Variants in BRAF observed in about 807,000 individuals in gnomAD.
BRAF encodes serine/threonine-protein kinase B-raf.
BRAF carries 16 observed loss-of-function variants against 104.6 expected under a neutral mutation model. The observed-to-expected ratio is 0.15, with a 90% CI of 0.10 to 0.23. The LOEUF (loss-of-function observed/expected upper bound fraction) is 0.23, where lower values mean the gene tolerates loss of function less well. BRAF is among the 10% of genes least tolerant of loss of function. The probability of loss-of-function intolerance (pLI) is 1.00; values close to 1 mark genes in which losing one functional copy is unlikely to be tolerated. For synonymous variants in BRAF, 310 were observed against 341.6 expected (o/e 0.91, Z 1.02); for missense variants, 541 against 937.3 (o/e 0.58, Z 5.52).
chr7:140,801,002 C>A, intron 6 of BRAF: 1 of 208,214 alleles, frequency 4.8e-6, no homozygotes, highest in Non-Finnish European at 9.6e-6. Context: ...GGGAAGGGAG[C>A]TGAATGGGGA....
At chr7:140,913,944 A>C (rs768603318) in intron 1 of BRAF, among the ~76,000 whole-genome samples, 2 of 152,194 alleles carry the variant, frequency 1.3e-5, no homozygotes, top group African/African-American at 2.4e-5. Context: ...TAATTAAATA[A>C]TGTTTTAAAG....
chr7:140,726,713 C>T (rs541736907), intron 19 of BRAF, among the ~76,000 whole-genome samples: 15 of 152,206 alleles, frequency 9.9e-5, no homozygotes, highest in Non-Finnish European at 1.8e-4. Flanking sequence ...GAATATGGTT[C>T]AGCTCTATCA....
At chr7:140,894,844 T>C (rs1252931424) in intron 1 of BRAF, among the ~76,000 whole-genome samples, 1 of 152,088 alleles carries the variant, frequency 6.6e-6, no homozygotes, top group Non-Finnish European at 1.5e-5. Flanking sequence ...GTATATAACA[T>C]CCACATCTAA....
At chr7:140,735,635 C>T (rs929170805) in intron 18 of BRAF, among the ~76,000 whole-genome samples, 1 of 151,832 alleles carries the variant, frequency 6.6e-6, no homozygotes, top group African/African-American at 2.4e-5. Context: ...CAGCTCACTG[C>T]AACCTCCCCC....
chr7:140,853,068 C>A (rs759613266), intron 1 of BRAF, among the ~76,000 whole-genome samples: 4 of 152,118 alleles, frequency 2.6e-5, no homozygotes, highest in Non-Finnish European at 4.4e-5. Context: ...TCTGAAATGG[C>A]CTCTCCTATT....
intron 1 of BRAF, among the ~76,000 whole-genome samples, chr7:140,908,509 C>T (rs1485047021): frequency 6.6e-6 from 1 of 152,100 alleles, no homozygotes; most frequent in African/African-American, 2.4e-5. Flanking sequence ...AACCAGTAAC[C>T]ATGATAAATG....
At chr7:140,891,841 G>GA (rs1406566033) in intron 1 of BRAF, among the ~76,000 whole-genome samples, 6 of 152,096 alleles carry the variant, frequency 3.9e-5, no homozygotes, top group African/African-American at 1.4e-4. Context: ...AAACAACCCT[G>GA]AAAAAATGCA....
chr7:140,833,163 C>A (rs1806967222), intron 3 of BRAF, among the ~76,000 whole-genome samples: 1 of 152,120 alleles, frequency 6.6e-6, no homozygotes. Flanking sequence ...GGATTACAGG[C>A]ACGAGCCACT....
In BRAF at chr7:140,734,964, T is replaced by A. The variant is rs1037729841; in HGVS notation, c.2248-194A>T. On this transcript the variant is annotated intron_variant, in intron 18 of 19. Coordinates refer to ENST00000644969, the MANE Select transcript of BRAF (RefSeq NM_001374258.1). ...TTGTCATAAATGCTTGGGAAAATAT[T>A]TGTAAATAATTGGTATTTTTTCTTA... Among the ~76,000 whole-genome samples, 16 of 152,122 alleles carry A rather than the reference T, an allele frequency of 1.1e-4. 1 individual carries two copies. Among genetic ancestry groups the A allele is most frequent in the Non-Finnish European group, 1.8e-4 (12 of 68,028 alleles).
At chr7:140,857,962 T>C (rs1224724242) in intron 1 of BRAF, among the ~76,000 whole-genome samples, 1 of 152,152 alleles carries the variant, frequency 6.6e-6, no homozygotes, top group Non-Finnish European at 1.5e-5. Flanking sequence ...GAACTTTAAA[T>C]GAAAAAAATT....
At chr7:140,843,464 T>G (rs1207989000) in intron 2 of BRAF, among the ~76,000 whole-genome samples, 2 of 152,190 alleles carry the variant, frequency 1.3e-5, no homozygotes, top group Admixed American at 6.5e-5. Context: ...AAATCCCTAT[T>G]TGTTCCAGAA....
chr7:140,759,736 G>T (rs557645971), intron 14 of BRAF, among the ~76,000 whole-genome samples: 2 of 152,322 alleles, frequency 1.3e-5, no homozygotes, highest in Admixed American at 1.3e-4. Flanking sequence ...CACCAAAGAA[G>T]GAGAGGAGGA....
At chr7:140,788,160 A>T (rs1224252714) in intron 8 of BRAF, among the ~76,000 whole-genome samples, 4 of 152,176 alleles carry the variant, frequency 2.6e-5, no homozygotes, top group East Asian at 3.8e-4. Context: ...ATAAATTTTT[A>T]AAAAATGGCT....
At chr7:140,753,917 A>G (rs1021357219) in intron 15 of BRAF, 1 of 513,512 alleles carries the variant, frequency 1.9e-6, no homozygotes, top group Non-Finnish European at 3.5e-6. Flanking sequence ...TATCAGTTTT[A>G]TAGTGCTGAT....
At chr7:140,921,760 CT>C (rs199862544) in intron 1 of BRAF, among the ~76,000 whole-genome samples, 3 of 148,618 alleles carry the variant, frequency 2.0e-5, no homozygotes, top group Non-Finnish European at 3.0e-5. Flanking sequence ...TGAAATCAGA[CT>C]TTTTTTTTAG....
At chr7:140,777,750 C>A (rs1800472109) in intron 13 of BRAF, among the ~76,000 whole-genome samples, 1 of 152,148 alleles carries the variant, frequency 6.6e-6, no homozygotes, top group South Asian at 2.1e-4. Flanking sequence ...TTTATATTAT[C>A]AGAATACTAT....
At chr7:140,812,848 T>C (rs946721265) in intron 3 of BRAF, among the ~76,000 whole-genome samples, 8 of 152,140 alleles carry the variant, frequency 5.3e-5, no homozygotes, top group Non-Finnish European at 1.0e-4. Context: ...AAAAGGTTCA[T>C]CCATACTTCA....
intron 1 of BRAF, among the ~76,000 whole-genome samples, chr7:140,865,021 G>A (rs1810798415): frequency 1.3e-5 from 2 of 152,152 alleles, no homozygotes; most frequent in African/African-American, 4.8e-5. Flanking sequence ...AAAGTTTGAA[G>A]TGAATTCCAC....
rs1385266902 is a variant in BRAF, at chr7:140,721,661, C to T, written c.*4833G>A. 6.5e-7 allele frequency: 1 copy of T among 1,534,926 alleles called. No individual in the cohort carries two copies. On this transcript the variant is annotated 3_prime_UTR_variant, in exon 20 of 20. Transcript: ENST00000644969. ...ACTACCCTCTTCTGGGGCTCAACTACCGATGGGCATCAGTAATCCATCCCA... is the reference window on the plus strand; with the variant it reads ...ACTACCCTCTTCTGGGGCTCAACTATCGATGGGCATCAGTAATCCATCCCA...
Sources: allele counts gnomAD v4.1 joint callset (sites outside exome capture counted in the v4.1 genomes callset), GRCh38; gene constraint gnomAD v4.1.1; transcripts MANE v1.5; gene names NCBI Gene and HGNC (gene_info 2026-07-23, HGNC 2026-07-21).